CADM2: variants seen among roughly 807,000 people sequenced by gnomAD.
The protein encoded by CADM2 is cell adhesion molecule 2, also known as immunoglobulin superfamily member 4D.
A neutral mutation model predicts 49.8 loss-of-function variants in CADM2; 12 were observed. The ratio of observed to expected loss-of-function variants is 0.24; its 90% CI spans 0.15 to 0.39. The LOEUF is 0.39. CADM2 is among the 10% of genes least tolerant of loss of function. The probability of loss-of-function intolerance (pLI) is 1.00; values close to 1 mark genes in which losing one functional copy is unlikely to be tolerated. For synonymous variants in CADM2, 214 were observed against 175.4 expected (o/e 1.22, Z -1.74); for missense variants, 378 against 492.3 (o/e 0.77, Z 2.20).
intron 1 of CADM2, among the ~76,000 whole-genome samples, chr3:85,518,235 C>T (rs1276671430): frequency 6.6e-6 from 1 of 152,196 alleles, no homozygotes; most frequent in Non-Finnish European, 1.5e-5. Flanking sequence ...TAGGGATCCT[C>T]CCACCTCAGT....
chr3:85,859,610 C>A (rs2075447898), intron 3 of CADM2, among the ~76,000 whole-genome samples: 1 of 152,178 alleles, frequency 6.6e-6, no homozygotes, highest in South Asian at 2.1e-4. Flanking sequence ...ACTAGACACT[C>A]ATCCTCCACC....
chr3:86,014,397 C>A, intron 8 of CADM2: 3 of 1,473,670 alleles, frequency 2.0e-6, no homozygotes, highest in Non-Finnish European at 9.1e-7. Context: ...ACTGCATTTA[C>A]TCAACGAAGT....
chr3:86,020,556 A>G (rs1429035208), intron 8 of CADM2, among the ~76,000 whole-genome samples: 3 of 151,406 alleles, frequency 2.0e-5, no homozygotes, highest in African/African-American at 4.9e-5. Context: ...TTAGACCAAT[A>G]TCCTTGATGA....
At chr3:85,732,897 T>G (rs548434982) in intron 2 of CADM2, among the ~76,000 whole-genome samples, 2 of 152,322 alleles carry the variant, frequency 1.3e-5, no homozygotes, top group South Asian at 4.1e-4. Flanking sequence ...ATCTATTAAA[T>G]CCTCTAAAGA....
chr3:85,855,039 T>C (rs758241002), intron 3 of CADM2, among the ~76,000 whole-genome samples: 1 of 152,166 alleles, frequency 6.6e-6, no homozygotes, highest in Non-Finnish European at 1.5e-5. Flanking sequence ...CAAAGGTCTC[T>C]TGCCTTCCAT....
At chr3:85,619,044 G>A (rs1445834938) in intron 1 of CADM2, among the ~76,000 whole-genome samples, 8 of 146,526 alleles carry the variant, frequency 5.5e-5, no homozygotes, top group Non-Finnish European at 6.0e-5. Context: ...TGTCTCAAAA[G>A]AAAAAAAAAA....
chr3:85,790,358 G>A (rs1305935919), intron 2 of CADM2, among the ~76,000 whole-genome samples: 1 of 152,082 alleles, frequency 6.6e-6, no homozygotes, highest in Non-Finnish European at 1.5e-5. Flanking sequence ...GTGTTATCTG[G>A]GTCACCTACT....
intron 8 of CADM2, among the ~76,000 whole-genome samples, chr3:86,027,372 G>C (rs1734021468): frequency 6.6e-6 from 1 of 152,138 alleles, no homozygotes; most frequent in Non-Finnish European, 1.5e-5. Flanking sequence ...AAACCAAACT[G>C]AGGAAAACCT....
chr3:85,892,763 T>C (rs1332183504), intron 5 of CADM2, among the ~76,000 whole-genome samples: 1 of 152,078 alleles, frequency 6.6e-6, no homozygotes, highest in Admixed American at 6.6e-5. Context: ...TGCTGTAAAG[T>C]TACCCAAAAA....
At chr3:85,464,353 T>C (rs1320234987) in intron 1 of CADM2, among the ~76,000 whole-genome samples, 1 of 152,168 alleles carries the variant, frequency 6.6e-6, no homozygotes, top group African/African-American at 2.4e-5. Context: ...AGACATTTAA[T>C]GAAAAGTACA....
intron 1 of CADM2, among the ~76,000 whole-genome samples, chr3:85,304,398 G>T (rs551081815): frequency 5.3e-5 from 8 of 151,822 alleles, no homozygotes; most frequent in African/African-American, 1.9e-4. Context: ...GTAACTAAAT[G>T]AAACAGTAAG....
At chr3:85,631,162 T>C (rs938421192) in intron 1 of CADM2, among the ~76,000 whole-genome samples, 6 of 152,046 alleles carry the variant, frequency 3.9e-5, no homozygotes, top group African/African-American at 1.4e-4. Context: ...AGTCTTTTCA[T>C]TTGATGTCTC....
intron 2 of CADM2, among the ~76,000 whole-genome samples, chr3:85,733,350 AG>A (rs2068012260): frequency 6.6e-6 from 1 of 152,202 alleles, no homozygotes; most frequent in South Asian, 2.1e-4. Flanking sequence ...AAGTAATTTT[AG>A]TTGTTTCTAA....
intron 7 of CADM2, among the ~76,000 whole-genome samples, chr3:85,947,662 G>T (rs75497215): frequency 1.3e-5 from 2 of 151,204 alleles, no homozygotes; most frequent in Non-Finnish European, 3.0e-5. Context: ...ACATTGACTC[G>T]CTGGAAACAC....
intron 5 of CADM2, among the ~76,000 whole-genome samples, chr3:85,891,280 A>C (rs547741776): frequency 6.6e-6 from 1 of 152,306 alleles, no homozygotes; most frequent in African/African-American, 2.4e-5. Flanking sequence ...CATTTACATT[A>C]AAGTTGTCAT....
chr3:85,672,067 T>C (rs2065753895), intron 1 of CADM2, among the ~76,000 whole-genome samples: 1 of 152,072 alleles, frequency 6.6e-6, no homozygotes, highest in Admixed American at 6.6e-5. Flanking sequence ...ATTAAATGAA[T>C]GAAGCAAGAC....
At chr3:85,036,343 A>C (rs377039428) in intron 1 of CADM2, among the ~76,000 whole-genome samples, 15 of 152,290 alleles carry the variant, frequency 9.8e-5, no homozygotes, top group Non-Finnish European at 2.1e-4. Flanking sequence ...AAACTAGATA[A>C]ATTTTAAATA....
intron 3 of CADM2, among the ~76,000 whole-genome samples, chr3:85,832,681 A>AT (rs1455902119): frequency 6.6e-6 from 1 of 151,834 alleles, no homozygotes; most frequent in Non-Finnish European, 1.5e-5. Flanking sequence ...TCCTGCAGTC[A>AT]TTTACCATTT....
chr3:85,803,389 A>G (rs966351131), intron 3 of CADM2, among the ~76,000 whole-genome samples: 2 of 152,138 alleles, frequency 1.3e-5, no homozygotes, highest in East Asian at 3.8e-4. Flanking sequence ...ACATTATATC[A>G]TACATTAAAA....
Sources: allele counts gnomAD v4.1 joint callset (sites outside exome capture counted in the v4.1 genomes callset), GRCh38; gene constraint gnomAD v4.1.1; transcripts MANE v1.5; gene names NCBI Gene and HGNC (gene_info 2026-07-23, HGNC 2026-07-21).